The following NEGR1 variants were observed in gnomAD, a reference collection of about 807,000 sequenced individuals.
NEGR1 encodes IgLON family member 4.
NEGR1 carries 10 observed loss-of-function variants against 40.9 expected under a neutral mutation model. The ratio of observed to expected loss-of-function variants is 0.24; its 90% CI spans 0.15 to 0.42. The LOEUF is 0.42. Ranked by LOEUF, NEGR1 falls within the 10% of genes least tolerant of loss-of-function variation. The pLI is 1.00. For missense variants in NEGR1, 352 were observed against 438.9 expected (o/e 0.80, Z 1.77); for synonymous variants, 185 against 166.8 (o/e 1.11, Z -0.84).
chr1:71,995,809 C>T (rs144563964), intron 1 of NEGR1, among the ~76,000 whole-genome samples: 43 of 152,262 alleles, frequency 2.8e-4, no homozygotes, highest in African/African-American at 9.6e-4. Flanking sequence ...AATTACAACA[C>T]AAACATGATA....
intron 1 of NEGR1, among the ~76,000 whole-genome samples, chr1:71,964,322 A>T (rs1289590640): frequency 6.6e-6 from 1 of 152,106 alleles, no homozygotes; most frequent in Non-Finnish European, 1.5e-5. Flanking sequence ...ACGAGGCAGG[A>T]ATTCTTAGGG....
chr1:72,069,159 C>T (rs879263185), intron 1 of NEGR1, among the ~76,000 whole-genome samples: 1 of 151,946 alleles, frequency 6.6e-6, no homozygotes, highest in African/African-American at 2.4e-5. Context: ...TGTGTAATCC[C>T]AGCACTTTGG....
chr1:72,176,577 A>G (rs551132804), intron 1 of NEGR1, among the ~76,000 whole-genome samples: 59 of 152,140 alleles, frequency 3.9e-4, no homozygotes, highest in Non-Finnish European at 6.8e-4. Context: ...AAGTTAATCA[A>G]TGTTAGCACT....
chr1:71,753,007 G>A (rs949770284), intron 3 of NEGR1, among the ~76,000 whole-genome samples: 1 of 152,102 alleles, frequency 6.6e-6, no homozygotes, highest in Admixed American at 6.6e-5. Flanking sequence ...TTTAGTAATG[G>A]TTAATAGCTT....
At chr1:71,816,309 A>G (rs1483929077) in intron 2 of NEGR1, among the ~76,000 whole-genome samples, 9 of 152,014 alleles carry the variant, frequency 5.9e-5, no homozygotes, top group African/African-American at 2.2e-4. Flanking sequence ...ATGCACTTTT[A>G]CCATCTTAGC....
intron 4 of NEGR1, among the ~76,000 whole-genome samples, chr1:71,681,017 C>G (rs998367048): frequency 7.9e-5 from 12 of 152,322 alleles, no homozygotes; most frequent in Non-Finnish European, 1.3e-4. Flanking sequence ...CCAGGTGACT[C>G]TCCTGTGCAC....
chr1:72,196,078 G>C (rs1402676137), intron 1 of NEGR1, among the ~76,000 whole-genome samples: 2 of 151,946 alleles, frequency 1.3e-5, no homozygotes, highest in African/African-American at 4.8e-5. Context: ...GACAATGAAA[G>C]GAGCGTATTG....
intron 4 of NEGR1, among the ~76,000 whole-genome samples, chr1:71,638,393 G>GA (rs1186814262): frequency 2.0e-5 from 3 of 151,954 alleles, no homozygotes; most frequent in Admixed American, 2.0e-4. Flanking sequence ...GGTAAAATGA[G>GA]AATGAATTCT....
intron 3 of NEGR1, among the ~76,000 whole-genome samples, chr1:71,730,856 C>T (rs1654837521): frequency 6.8e-5 from 10 of 148,108 alleles, no homozygotes; most frequent in Admixed American, 6.1e-4. Context: ...GGGACATATG[C>T]TACTGGTGTA....
chr1:71,678,386 C>T (rs1313212531), intron 4 of NEGR1, among the ~76,000 whole-genome samples: 5 of 152,098 alleles, frequency 3.3e-5, no homozygotes, highest in Non-Finnish European at 7.4e-5. Flanking sequence ...AATTATATGT[C>T]ATGGTAAAAA....
At chr1:72,055,120 G>T (rs1285771484) in intron 1 of NEGR1, among the ~76,000 whole-genome samples, 1 of 150,994 alleles carries the variant, frequency 6.6e-6, no homozygotes, top group Non-Finnish European at 1.5e-5. Context: ...TTATAATAAA[G>T]TTTTTATGTA....
At chr1:71,984,890 T>G (rs1271145691) in intron 1 of NEGR1, among the ~76,000 whole-genome samples, 1 of 152,154 alleles carries the variant, frequency 6.6e-6, no homozygotes, top group Non-Finnish European at 1.5e-5. Flanking sequence ...AAATAATAAC[T>G]AATGCTTATA....
intron 4 of NEGR1, among the ~76,000 whole-genome samples, chr1:71,685,947 T>C (rs1653021793): frequency 1.4e-5 from 1 of 71,368 alleles, no homozygotes; most frequent in Admixed American, 2.0e-4. Context: ...GAAAAGTTTA[T>C]GTCAGAGGTT....
At chr1:71,792,276 A>G (rs993208539) in intron 2 of NEGR1, among the ~76,000 whole-genome samples, 6 of 152,116 alleles carry the variant, frequency 3.9e-5, no homozygotes, top group African/African-American at 9.7e-5. Context: ...TTCTCCCCCT[A>G]TGATATGAAT....
intron 1 of NEGR1, among the ~76,000 whole-genome samples, chr1:72,174,984 T>C (rs1177289768): frequency 3.9e-5 from 6 of 151,970 alleles, no homozygotes; most frequent in Non-Finnish European, 7.4e-5. Flanking sequence ...ATTATTATTA[T>C]ACTTTAAGTT....
intron 3 of NEGR1, among the ~76,000 whole-genome samples, chr1:71,743,646 A>T (rs922706563): frequency 2.6e-5 from 4 of 152,184 alleles, no homozygotes; most frequent in African/African-American, 9.7e-5. Flanking sequence ...ATAGGGCCCT[A>T]ATAACCTTCA....
intron 1 of NEGR1, among the ~76,000 whole-genome samples, chr1:72,006,010 G>A (rs79340011): frequency 0.089 from 13,567 of 151,980 alleles, 835 homozygotes; most frequent in Admixed American, 0.18. Context: ...GAATTCCTAC[G>A]AAAAGGAGAA....
intron 6 of NEGR1, among the ~76,000 whole-genome samples, chr1:71,575,386 G>A (rs1022428891): frequency 2.6e-5 from 4 of 152,198 alleles, no homozygotes; most frequent in Non-Finnish European, 4.4e-5. Flanking sequence ...ACCAACCACA[G>A]CAGTTCAGAT....
At chr1:71,668,522 G>A (rs1473152612) in intron 4 of NEGR1, among the ~76,000 whole-genome samples, 2 of 152,146 alleles carry the variant, frequency 1.3e-5, no homozygotes, top group East Asian at 3.9e-4. Context: ...TTGCCTTTGA[G>A]AGAGAAACGT....
Sources: gnomAD v4.1 joint callset for allele counts (sites outside exome capture counted in the v4.1 genomes callset) on GRCh38, gnomAD v4.1.1 for gene constraint, MANE v1.5 for transcripts, NCBI Gene and HGNC (gene_info 2026-07-23, HGNC 2026-07-21) for gene names.